Variants in EPHA6 observed in about 807,000 individuals in gnomAD.
EPHA6 encodes the protein EPH receptor A6.
EPHA6 carries 50 observed loss-of-function variants against 112.0 expected under a neutral mutation model. That is an observed-to-expected ratio of 0.45 (90% CI 0.36 to 0.56). The LOEUF is 0.56. Among genes scored for constraint, EPHA6 ranks in the 20% least tolerant of loss-of-function variants. EPHA6 has a pLI of 0.00. For synonymous variants in EPHA6, 529 were observed against 490.7 expected, an observed-to-expected ratio of 1.08 and a Z score of -1.03; for missense variants, 1,280 against 1,417.4, an observed-to-expected ratio of 0.90 and a Z score of 1.56.
At chr3:97,591,224 C>A (rs2093541300) in intron 11 of EPHA6, among the ~76,000 whole-genome samples, 2 of 152,272 alleles carry the variant, frequency 1.3e-5, no homozygotes, top group African/African-American at 4.8e-5. Context: ...CACATTGTAA[C>A]TTTGCTCTTT....
chr3:96,819,025 C>G (rs1001902981), intron 1 of EPHA6, among the ~76,000 whole-genome samples: 12 of 151,924 alleles, frequency 7.9e-5, no homozygotes, highest in Admixed American at 7.9e-4. Flanking sequence ...GCAGTTCCAG[C>G]AGTGATCATC....
chr3:97,592,562 C>A, intron 11 of EPHA6, 50 bp from the exon 12 acceptor site: 1 of 1,603,598 alleles, frequency 6.2e-7, no homozygotes, highest in Non-Finnish European at 8.5e-7. Context: ...ATGATCAATG[C>A]TTTTCCATAA....
chr3:97,226,368 G>C lies in EPHA6; in HGVS notation c.1219G>C (p.Glu407Gln), dbSNP rs779816245. The change falls in exon 4 of 18, where the codon GAA becomes CAA. Residue 407 changes from glutamate (E) to glutamine (Q), a missense_variant. Physicochemically the swap from Glu to Gln is conservative, Grantham distance 29 (BLOSUM62 2). This residue lies in a region of EPHA6 where 878 missense variants were observed against 999.7 expected (regional missense o/e 0.88). Transcript: ENST00000389672. ...YMEATSVCQC[E>Q]KGYFRAEKDP... ...GGAAGCAACTTCTGTCTGTCAGTGT[G>C]AAAAGGGTTATTTCCGAGCTGAAAA... is the stretch of plus-strand genomic sequence containing the variant. 6.2e-7 allele frequency: 1 copy of C among 1,613,660 alleles called. No homozygotes were observed. Among genetic ancestry groups the C allele is most frequent in the Non-Finnish European group, 8.5e-7 (1 of 1,179,688 alleles).
Position 97,366,846 on chromosome 3 carries a change from C to A in EPHA6, c.1607-38304C>A, listed in dbSNP as rs79858881. ...TTTGAAAACGGCATACCCTTAAATT[C>A]CTTTATTTCATTGAACTTCTTTTCT... On this transcript the variant is annotated intron_variant, in intron 5 of 17. Transcript: ENST00000389672. 3.5e-4 allele frequency among the ~76,000 whole-genome samples: 53 copies of A among 152,272 alleles called. No homozygotes were observed. The East Asian group carries it at 9.4e-3, about 27-fold the overall frequency.
intron 6 of EPHA6, among the ~76,000 whole-genome samples, chr3:97,408,101 C>A (rs1302831616): frequency 1.3e-5 from 2 of 151,936 alleles, no homozygotes; most frequent in Admixed American, 6.6e-5. Context: ...TATTCCTCAC[C>A]CAACAGAAGA....
intron 14 of EPHA6, among the ~76,000 whole-genome samples, chr3:97,645,673 A>T (rs1483244331): frequency 6.6e-6 from 1 of 152,128 alleles, no homozygotes; most frequent in Non-Finnish European, 1.5e-5. Flanking sequence ...AATAAAAAAA[A>T]AAGAAAAGGA....
At chr3:97,261,535 C>G (rs1289869367) in intron 5 of EPHA6, among the ~76,000 whole-genome samples, 1 of 152,124 alleles carries the variant, frequency 6.6e-6, no homozygotes, top group Admixed American at 6.5e-5. Context: ...TAACTTGTCT[C>G]TCATTTGTTT....
chr3:96,994,709 G>A (rs77354954), intron 3 of EPHA6, among the ~76,000 whole-genome samples: 6,738 of 97,876 alleles, frequency 0.069, 332 homozygotes, highest in Non-Finnish European at 0.094. Context: ...GTGTGTGTGT[G>A]TATATATATA....
rs181769971 is a variant in EPHA6 at position 97,194,369 on chromosome 3, G to T, written c.1115-31895G>T. ...AAATTGTAAGATTTTCATGTGTTTT[G>T]ATAGTTTCTAATGTTCCTCTGGTTG... On this transcript the variant is annotated intron_variant, in intron 3 of 17. Coordinates refer to ENST00000389672, the MANE Select transcript of EPHA6 (RefSeq NM_001080448.3). 5.9e-5 allele frequency among the ~76,000 whole-genome samples: 9 copies of T among 151,428 alleles called. No individual in the cohort carries two copies. The East Asian group carries it at 1.6e-3, about 26-fold the overall frequency.
intron 2 of EPHA6, among the ~76,000 whole-genome samples, chr3:96,919,408 A>G (rs2039648851): frequency 6.6e-6 from 1 of 151,968 alleles, no homozygotes; most frequent in South Asian, 2.1e-4. Context: ...GAATTCAATT[A>G]AAGTTTGTGA....
chr3:97,281,966 A>G (rs984421314), intron 5 of EPHA6, among the ~76,000 whole-genome samples: 1 of 152,222 alleles, frequency 6.6e-6, no homozygotes, highest in Admixed American at 6.5e-5. Flanking sequence ...AATGTGGCAC[A>G]CATAATAAGT....
At chr3:97,119,008 T>A (rs941773907) in intron 3 of EPHA6, among the ~76,000 whole-genome samples, 1 of 151,948 alleles carries the variant, frequency 6.6e-6, no homozygotes, top group African/African-American at 2.4e-5. Flanking sequence ...AAAATTTAAG[T>A]CATTTTTGTA....
chr3:97,188,955 T>C (rs1171075767), intron 3 of EPHA6, among the ~76,000 whole-genome samples: 1 of 151,762 alleles, frequency 6.6e-6, no homozygotes, highest in Non-Finnish European at 1.5e-5. Flanking sequence ...TTTAGTTATA[T>C]TGTCTGAATT....
chr3:97,123,590 A>C (rs776731368), intron 3 of EPHA6, among the ~76,000 whole-genome samples: 7 of 152,136 alleles, frequency 4.6e-5, no homozygotes, highest in Non-Finnish European at 1.0e-4. Context: ...TCATGAAAGC[A>C]TGTAAATGTT....
intron 3 of EPHA6, among the ~76,000 whole-genome samples, chr3:97,204,083 G>A (rs1267765107): frequency 6.6e-6 from 1 of 152,078 alleles, no homozygotes. Flanking sequence ...CTAAGTGACA[G>A]TGTATTTTAA....
intron 11 of EPHA6, among the ~76,000 whole-genome samples, chr3:97,559,147 G>A (rs754384197): frequency 2.0e-5 from 3 of 151,900 alleles, no homozygotes; most frequent in Non-Finnish European, 2.9e-5. Context: ...TCCAAAACAG[G>A]TAGAATTAAA....
At chr3:96,905,044 A>G (rs896346667) in intron 2 of EPHA6, among the ~76,000 whole-genome samples, 1 of 152,142 alleles carries the variant, frequency 6.6e-6, no homozygotes, top group African/African-American at 2.4e-5. Context: ...TTAACTATTT[A>G]TGAGAGTTTT....
chr3:97,119,447 G>A (rs375205420), intron 3 of EPHA6, among the ~76,000 whole-genome samples: 122 of 152,062 alleles, frequency 8.0e-4, no homozygotes, highest in African/African-American at 2.6e-3. Context: ...GAGATAGGAG[G>A]CAGTGTCTCC....
intron 2 of EPHA6, among the ~76,000 whole-genome samples, chr3:96,891,847 G>A (rs942827449): frequency 2.6e-5 from 4 of 152,190 alleles, no homozygotes; most frequent in African/African-American, 7.2e-5. Flanking sequence ...TTCCCTGGGA[G>A]AAACTCCCTT....
Sources: allele counts gnomAD v4.1 joint callset (sites outside exome capture counted in the v4.1 genomes callset), GRCh38; gene constraint gnomAD v4.1.1; regional missense constraint gnomAD v4.1.1; transcripts MANE v1.5; gene names NCBI Gene and HGNC (gene_info 2026-07-23, HGNC 2026-07-21).